Variants in CARD8 observed in about 807,000 individuals in gnomAD.
CARD8 encodes the protein caspase recruitment domain family member 8.
CARD8 carries 38 observed loss-of-function variants against 53.2 expected under a neutral mutation model. The observed-to-expected ratio is 0.71, with a 90% CI of 0.55 to 0.94. CARD8 has a LOEUF of 0.94. CARD8 is among the 40% of genes least tolerant of loss of function. CARD8 has a pLI of 0.00. For synonymous variants in CARD8, 245 were observed against 244.9 expected, an observed-to-expected ratio of 1.00 and a Z score of 0.00; for missense variants, 561 against 655.5, an observed-to-expected ratio of 0.86 and a Z score of 1.57.
chr19:48,224,575 C>G (rs1419286263), intron 10 of CARD8, among the ~76,000 whole-genome samples: 1 of 152,050 alleles, frequency 6.6e-6, no homozygotes, highest in East Asian at 1.9e-4. Context: ...TGAAATAGGG[C>G]AGGGAAGTTC....
At chr19:48,220,634 C>T (rs2040292662) in intron 11 of CARD8, among the ~76,000 whole-genome samples, 1 of 152,048 alleles carries the variant, frequency 6.6e-6, no homozygotes, top group African/African-American at 2.4e-5. Flanking sequence ...CTATTTGGGG[C>T]CAGGTGTGGT....
In CARD8 at chr19:48,255,911, G is replaced by C. The variant is rs890722275; in HGVS notation, c.-371C>G. On this transcript the variant is annotated 5_prime_UTR_variant, in exon 1 of 14. Coordinates refer to ENST00000651546, the MANE Select transcript of CARD8 (RefSeq NM_001184900.3). ...CTTCTTTTGAAATAACGCTCGCAGAGGAGGTGGGCTTTCTGAGAACTGAGG... is the reference window on the plus strand; with the variant it reads ...CTTCTTTTGAAATAACGCTCGCAGACGAGGTGGGCTTTCTGAGAACTGAGG... The C allele has an allele frequency of 6.6e-6, 1 of 152,228 alleles. No individual in the cohort carries two copies. Among genetic ancestry groups the C allele is most frequent in the Non-Finnish European group, 1.5e-5 (1 of 68,074 alleles). The allele number at this position is 152,228 out of a possible 1,614,324, so 9.4% of individuals were successfully genotyped here.
intron 3 of CARD8, among the ~76,000 whole-genome samples, chr19:48,245,451 G>A (rs955870102): frequency 1.3e-4 from 20 of 152,148 alleles, no homozygotes; most frequent in African/African-American, 4.8e-4. Context: ...GACCTCAGGT[G>A]ATCCGCCCAC....
chr19:48,203,384 T>C (rs997941185), downstream of CARD8: 2 of 152,258 alleles, frequency 1.3e-5, no homozygotes, highest in African/African-American at 4.8e-5. Flanking sequence ...GCTTATCAAG[T>C]ATGAAGCCAG....
intron 3 of CARD8, among the ~76,000 whole-genome samples, chr19:48,248,623 G>A (rs186818177): frequency 3.9e-5 from 6 of 152,332 alleles, no homozygotes; most frequent in East Asian, 1.9e-4. Flanking sequence ...ATGGAAACTC[G>A]TAAACCAGTA....
At chr19:48,221,659 A>G (rs2040655057) in intron 11 of CARD8, 71 bp downstream of exon 11, 1 of 1,165,668 alleles carries the variant, frequency 8.6e-7, no homozygotes, top group Non-Finnish European at 1.2e-6. Context: ...CATTTTGCTA[A>G]GATTCTTCCA....
chr19:48,227,618 C>T (rs1275619837), intron 10 of CARD8, among the ~76,000 whole-genome samples: 1 of 152,020 alleles, frequency 6.6e-6, no homozygotes, highest in Non-Finnish European at 1.5e-5. Context: ...GCCTGTCCAA[C>T]ACTGTGAAAC....
chr19:48,204,203 C>A (rs1190751797), downstream of CARD8: 14 of 455,592 alleles, frequency 3.1e-5, no homozygotes, highest in Admixed American at 1.6e-4. Context: ...CCGCTCAGCG[C>A]GCAGGAGGGG....
intron 13 of CARD8, among the ~76,000 whole-genome samples, chr19:48,214,777 T>C (rs1200288163): frequency 3.0e-4 from 3 of 9,998 alleles, no homozygotes; most frequent in Admixed American, 2.0e-3. Flanking sequence ...AGCTTTTTTT[T>C]TTTTTTTTTT....
chr19:48,225,434 T>C (rs372491636), intron 10 of CARD8, among the ~76,000 whole-genome samples: 1 of 151,988 alleles, frequency 6.6e-6, no homozygotes, highest in African/African-American at 2.4e-5. Context: ...GAGGTTGCAG[T>C]GAGCTGCGAC....
intron 13 of CARD8, among the ~76,000 whole-genome samples, 173 bp from the exon 14 acceptor site, chr19:48,212,148 T>G (rs1409161232): frequency 6.6e-6 from 1 of 152,244 alleles, no homozygotes; most frequent in Non-Finnish European, 1.5e-5. Flanking sequence ...CCCTTTGCAG[T>G]ATCAAATGCA....
downstream of CARD8, chr19:48,206,421 G>C (rs1222266782): frequency 2.2e-6 from 1 of 457,924 alleles, no homozygotes; most frequent in African/African-American, 2.0e-5. Flanking sequence ...GTCCCAATGA[G>C]TCTGGATAAC....
At chr19:48,216,353 G>A (rs183484232) in intron 12 of CARD8, among the ~76,000 whole-genome samples, 131 of 152,200 alleles carry the variant, frequency 8.6e-4, no homozygotes, top group African/African-American at 3.0e-3. Context: ...CGGCTTCTTC[G>A]CATATTAAAC....
chr19:48,204,061 G>C, downstream of CARD8: 1 of 424,584 alleles, frequency 2.4e-6, no homozygotes, highest in Non-Finnish European at 4.8e-6. Context: ...GGAGTGGGGA[G>C]GAGCTCTTTA....
At chr19:48,222,398 T>A (rs941524971) in intron 10 of CARD8, among the ~76,000 whole-genome samples, 2 of 152,110 alleles carry the variant, frequency 1.3e-5, no homozygotes, top group Non-Finnish European at 2.9e-5. Flanking sequence ...ACCTCAAAAC[T>A]ATCTCTAAGC....
chr19:48,233,495 A>C lies in CARD8; in HGVS notation c.350+908T>G. On this transcript the variant is annotated intron_variant, in intron 6 of 13. Transcript: ENST00000651546. ...CAAGCATGGAGAGACCCCTGGGCTGACATCCTAAGACTGGTTGCTGTCTGC... is the reference window on the plus strand; with the variant it reads ...CAAGCATGGAGAGACCCCTGGGCTGCCATCCTAAGACTGGTTGCTGTCTGC... 7 of 419,112 alleles carry C rather than the reference A, an allele frequency of 1.7e-5. 1 individual carries two copies. Among genetic ancestry groups the C allele is most frequent in the South Asian group, 1.2e-4 (7 of 59,662 alleles). The allele number at this position is 419,112 out of a possible 1,614,324, so 26.0% of individuals were successfully genotyped here. A position where few individuals can be genotyped will look rare whatever the true frequency, so the allele number is the denominator to read the frequency against.
chr19:48,211,469 C>G lies in CARD8; in HGVS notation c.*241G>C, dbSNP rs2037957669. The stretch of plus-strand genomic sequence containing the variant: ...ATGGATAAAATAGTGATATATCAAG[C>G]AATGGTTGGAAAAAATTTAAAAGGA... On this transcript the variant is annotated 3_prime_UTR_variant, in exon 14 of 14. Transcript: ENST00000651546. 2.1e-6 allele frequency: 1 copy of G among 472,714 alleles called. No homozygotes were observed. 29.3% of individuals were successfully genotyped at this position (472,714 alleles called of 1,614,324 possible). A position where few individuals can be genotyped will look rare whatever the true frequency, so the allele number is the denominator to read the frequency against.
intron 1 of CARD8, 135 bp downstream of exon 1, chr19:48,255,657 C>G (rs1018528702): frequency 6.6e-6 from 1 of 152,116 alleles, no homozygotes; most frequent in Non-Finnish European, 1.5e-5. Context: ...CCTTCTGACA[C>G]GCTCATATGA....
In CARD8 at chr19:48,209,432, G is replaced by A. The variant is rs1403282011; in HGVS notation, c.*2278C>T. On this transcript the variant is annotated 3_prime_UTR_variant, in exon 14 of 14. Coordinates refer to ENST00000651546, the MANE Select transcript of CARD8 (RefSeq NM_001184900.3). ...ATACAGTGACCAAAATTTAAAAGGT[G>A]GTGAATGCACTCAGTGGGACGACAC... 1 of 152,092 alleles carries A rather than the reference G, an allele frequency of 6.6e-6. No individual in the cohort carries two copies. Among genetic ancestry groups the A allele is most frequent in the Admixed American group, 6.6e-5 (1 of 15,252 alleles). 9.4% of individuals were successfully genotyped at this position (152,092 alleles called of 1,614,324 possible).
Sources: gnomAD v4.1 joint callset for allele counts (sites outside exome capture counted in the v4.1 genomes callset) on GRCh38, gnomAD v4.1.1 for gene constraint, MANE v1.5 for transcripts, NCBI Gene and HGNC (gene_info 2026-07-23, HGNC 2026-07-21) for gene names.